The following VPS13D variants were observed in gnomAD, a reference collection of about 807,000 sequenced individuals.
VPS13D encodes the protein vacuolar protein sorting 13 homolog D.
A neutral mutation model predicts 461.9 loss-of-function variants in VPS13D; 187 were observed. That is an observed-to-expected ratio of 0.40 (90% confidence interval 0.36 to 0.46). VPS13D has a LOEUF of 0.46. Among genes scored for constraint, VPS13D ranks in the 20% least tolerant of loss-of-function variants. The pLI, the probability that VPS13D is intolerant of heterozygous loss-of-function variation, is 0.60. For missense variants in VPS13D, 4,711 were observed against 5,364.9 expected (o/e 0.88, Z 3.81); for synonymous variants, 1,951 against 1,986.3 (o/e 0.98, Z 0.47).
At chr1:12,449,728 C>T (rs1216175934) in intron 65 of VPS13D, among the ~76,000 whole-genome samples, 1 of 152,158 alleles carries the variant, frequency 6.6e-6, no homozygotes, top group Non-Finnish European at 1.5e-5. Flanking sequence ...GAAAATGACT[C>T]TGAAATTGAA....
intron 65 of VPS13D, among the ~76,000 whole-genome samples, chr1:12,435,810 C>G (rs1267709834): frequency 1.3e-5 from 2 of 151,976 alleles, no homozygotes; most frequent in African/African-American, 4.8e-5. Context: ...ATTTGAGTCA[C>G]AGTTTAAAGT....
intron 50 of VPS13D, 29 bp from the exon 51 acceptor site, chr1:12,362,691 C>G (rs1256664592): frequency 3.7e-6 from 6 of 1,608,150 alleles, no homozygotes; most frequent in Non-Finnish European, 5.1e-6. Context: ...TCATGGTTAA[C>G]TCATAAAAGT....
chr1:12,377,279 T>G (rs188485033), intron 55 of VPS13D, among the ~76,000 whole-genome samples: 1,736 of 151,080 alleles, frequency 0.011, 22 homozygotes, highest in Non-Finnish European at 0.015. Flanking sequence ...AGGCTGGTCT[T>G]GAACTCCTGA....
chr1:12,369,823 C>A, intron 54 of VPS13D, 121 bp downstream of exon 54: 2 of 914,992 alleles, frequency 2.2e-6, no homozygotes, highest in Non-Finnish European at 3.2e-6. Flanking sequence ...CATTCTTTAC[C>A]AAACCCTGGG....
chr1:12,347,620 C>T (rs1337421804), intron 44 of VPS13D, among the ~76,000 whole-genome samples: 1 of 152,160 alleles, frequency 6.6e-6, no homozygotes, highest in Non-Finnish European at 1.5e-5. Context: ...TTTGTTTGGA[C>T]TTCCTAGAAG....
intron 27 of VPS13D, among the ~76,000 whole-genome samples, chr1:12,309,895 T>C (rs1642684523): frequency 6.6e-6 from 1 of 152,182 alleles, no homozygotes; most frequent in African/African-American, 2.4e-5. Context: ...TTTTAGTTTC[T>C]TTCTGGATTA....
intron 6 of VPS13D, among the ~76,000 whole-genome samples, chr1:12,252,103 A>G (rs1382244224): frequency 6.6e-6 from 1 of 152,126 alleles, no homozygotes; most frequent in African/African-American, 2.4e-5. Context: ...TTGTAAGGAC[A>G]ATACTCGTTA....
chr1:12,356,869 G>A (rs1364682087), intron 49 of VPS13D, among the ~76,000 whole-genome samples: 1 of 152,206 alleles, frequency 6.6e-6, no homozygotes, highest in African/African-American at 2.4e-5. Flanking sequence ...ACAGGCACAG[G>A]AGCTGTCATC....
At chr1:12,491,291 CACTT>C (rs571339543) in intron 67 of VPS13D, among the ~76,000 whole-genome samples, 14 of 152,226 alleles carry the variant, frequency 9.2e-5, no homozygotes, top group Admixed American at 3.9e-4. Flanking sequence ...ACTTTCTACT[CACTT>C]ACTGATTGTT....
intron 50 of VPS13D, among the ~76,000 whole-genome samples, chr1:12,362,220 C>A (rs1015367177): frequency 1.3e-5 from 2 of 152,112 alleles, no homozygotes; most frequent in African/African-American, 4.8e-5. Flanking sequence ...GGGCAATGGG[C>A]TAAAATAAAA....
intron 46 of VPS13D, among the ~76,000 whole-genome samples, chr1:12,350,363 CAAT>C (rs1225514049): frequency 4.6e-5 from 7 of 152,032 alleles, no homozygotes; most frequent in African/African-American, 1.7e-4. Context: ...TAGAAATAAA[CAAT>C]AAGAAGATAC....
chr1:12,352,256 A>G (rs1643813032), intron 46 of VPS13D, among the ~76,000 whole-genome samples: 2 of 152,086 alleles, frequency 1.3e-5, no homozygotes, highest in Non-Finnish European at 1.5e-5. Flanking sequence ...ACACCACTGC[A>G]CTCCAGCTTG....
chr1:12,373,603 C>A (rs946105011), intron 54 of VPS13D, 147 bp from the exon 55 acceptor site: 2 of 309,370 alleles, frequency 6.5e-6, no homozygotes, highest in African/African-American at 4.4e-5. Flanking sequence ...GCTCTTGCAT[C>A]AGACTTTTTC....
chr1:12,504,075 G>A (rs936780743), intron 68 of VPS13D, among the ~76,000 whole-genome samples: 4 of 152,100 alleles, frequency 2.6e-5, no homozygotes, highest in Admixed American at 6.5e-5. Flanking sequence ...TTTGATATGA[G>A]GCTCCATTAG....
chr1:12,279,845 C>G lies in VPS13D; in HGVS notation c.4602+195C>G, dbSNP rs1641724840. On this transcript the variant is annotated intron_variant, in intron 20 of 69. Coordinates refer to ENST00000620676, the MANE Select transcript of VPS13D (RefSeq NM_015378.4). This position sits in a 1 kb window ranked among gnomAD's most constrained non-coding sequence, Gnocchi z 4.3. ...GTCATGGGGAATCCGTCTTGTCAGCCTTTTTCATATGGAGGAGGGGTGGGT... is the reference window on the plus strand; with the variant it reads ...GTCATGGGGAATCCGTCTTGTCAGCGTTTTTCATATGGAGGAGGGGTGGGT... 6.6e-6 allele frequency among the ~76,000 whole-genome samples: 1 copy of G among 152,016 alleles called. No individual in the cohort carries two copies. Among genetic ancestry groups the G allele is most frequent in the Non-Finnish European group, 1.5e-5 (1 of 67,986 alleles).
At chr1:12,410,430 C>G (rs1005515623) in intron 63 of VPS13D, among the ~76,000 whole-genome samples, 6 of 152,196 alleles carry the variant, frequency 3.9e-5, no homozygotes, top group Non-Finnish European at 7.3e-5. Flanking sequence ...GCTTCTTACT[C>G]TAACTGCCTA....
intron 30 of VPS13D, among the ~76,000 whole-genome samples, chr1:12,315,757 T>C (rs1057271617): frequency 2.6e-5 from 4 of 152,186 alleles, no homozygotes; most frequent in African/African-American, 9.7e-5. Context: ...TGCAGTTCAT[T>C]TGGTTGAAGA....
At chr1:12,293,780 T>G in intron 24 of VPS13D, 76 bp downstream of exon 24, 909 of 905,616 alleles carry the variant, frequency 1.0e-3, no homozygotes, top group Non-Finnish European at 1.4e-3. Context: ...TAGAGATGAA[T>G]CTGGAAGAGT....
At chr1:12,366,935 T>A (rs1644043902) in intron 52 of VPS13D, among the ~76,000 whole-genome samples, 1 of 152,214 alleles carries the variant, frequency 6.6e-6, no homozygotes, top group Non-Finnish European at 1.5e-5. Flanking sequence ...ATAGGGACAT[T>A]TTTCTAATTA....
Sources: gnomAD v4.1 joint callset for allele counts (sites outside exome capture counted in the v4.1 genomes callset) on GRCh38, gnomAD v4.1.1 for gene constraint, Gnocchi (gnomAD v3.1) non-coding constraint, MANE v1.5 for transcripts, NCBI Gene and HGNC (gene_info 2026-07-23, HGNC 2026-07-21) for gene names.